PHAF1: variants seen among roughly 807,000 people sequenced by gnomAD.
The protein encoded by PHAF1 is phagophore assembly factor 1, also known as phagosome assembly factor 1.
In PHAF1, 23 loss-of-function variants were observed where a neutral mutation model predicts 63.1. The observed-to-expected ratio is 0.36, with a 90% CI of 0.26 to 0.52. PHAF1 has a LOEUF of 0.52. Among genes scored for constraint, PHAF1 ranks in the 20% least tolerant of loss-of-function variants. PHAF1 has a pLI of 0.93. For synonymous variants in PHAF1, 167 were observed against 185.0 expected (o/e 0.90, Z 0.79); for missense variants, 427 against 517.2 (o/e 0.83, Z 1.69).
chr16:67,133,453 G>A (rs1203924756), intron 6 of PHAF1, among the ~76,000 whole-genome samples: 8 of 143,558 alleles, frequency 5.6e-5, no homozygotes, highest in African/African-American at 2.1e-4. Flanking sequence ...TCAGGAGTTC[G>A]AGACCACGTT....
chr16:67,132,887 A>C lies in PHAF1; in HGVS notation c.426A>C (p.Ser142=). ...RGLSFSFQLD[S]WTEAPKYEPN... Reference sequence around the variant, plus strand: ...TGTCTTTCTCTTTTCAGTTAGACTCATGGACTGAGGCTCCAAAGTATGAGG... The same window carrying C: ...TGTCTTTCTCTTTTCAGTTAGACTCCTGGACTGAGGCTCCAAAGTATGAGG... Residue 142 remains serine (S), a synonymous_variant, in exon 6 of 16, where the codon TCA becomes TCC. Coordinates refer to ENST00000219139, the MANE Select transcript of PHAF1 (RefSeq NM_025187.5). 1.2e-6 allele frequency: 2 copies of C among 1,612,464 alleles called. No homozygotes were observed. The highest frequency in any genetic ancestry group is 1.7e-6 in the Non-Finnish European group (2 of 1,178,436).
chr16:67,126,922 T>TGTGTCACC (rs1451961493), intron 3 of PHAF1, among the ~76,000 whole-genome samples: 1 of 135,570 alleles, frequency 7.4e-6, no homozygotes, highest in Non-Finnish European at 1.5e-5. Flanking sequence ...AGAGTCTCAC[T>TGTGTCACC]GTGTCACCCA....
intron 8 of PHAF1, chr16:67,134,688 G>A: frequency 3.1e-6 from 2 of 646,324 alleles, no homozygotes; most frequent in Non-Finnish European, 2.9e-6. Flanking sequence ...GGATGCGCCT[G>A]CAGTCTAGTT....
intron 6 of PHAF1, among the ~76,000 whole-genome samples, chr16:67,133,501 T>TAAAA (rs757439473): frequency 2.0e-5 from 2 of 99,794 alleles, no homozygotes; most frequent in African/African-American, 7.2e-5. Context: ...CCAAAAATAT[T>TAAAA]AAAAAAAAAA....
At chr16:67,140,141 CCT>C in intron 9 of PHAF1, 24 bp downstream of exon 9, 1 of 1,608,286 alleles carries the variant, frequency 6.2e-7, no homozygotes, top group African/African-American at 1.3e-5. Context: ...GTTGCAGTCT[CCT>C]CCTTTTTTTT....
intron 10 of PHAF1, among the ~76,000 whole-genome samples, chr16:67,143,441 G>A (rs1963880497): frequency 6.6e-6 from 1 of 152,182 alleles, no homozygotes. Context: ...GAATCCTCCT[G>A]CCTTGGCCTC....
At chr16:67,119,686 A>ATTT (rs776583499) in intron 1 of PHAF1, among the ~76,000 whole-genome samples, 15 of 132,342 alleles carry the variant, frequency 1.1e-4, no homozygotes, top group African/African-American at 3.4e-4. Context: ...CGCCTGGCTA[A>ATTT]TTTTTTTTTT....
intron 1 of PHAF1, among the ~76,000 whole-genome samples, chr16:67,113,696 A>C (rs953925774): frequency 1.4e-5 from 2 of 146,730 alleles, no homozygotes; most frequent in Non-Finnish European, 3.0e-5. Flanking sequence ...TGATCCGCCC[A>C]CCTCGGCCTC....
chr16:67,141,990 G>A (rs1963829046), intron 10 of PHAF1, among the ~76,000 whole-genome samples: 1 of 152,204 alleles, frequency 6.6e-6, no homozygotes, highest in Non-Finnish European at 1.5e-5. Flanking sequence ...TTCTTGTCCT[G>A]CGGCCAGGAA....
intron 2 of PHAF1, among the ~76,000 whole-genome samples, chr16:67,120,478 C>T (rs755977560): frequency 1.3e-5 from 2 of 151,858 alleles, no homozygotes; most frequent in Non-Finnish European, 1.5e-5. Flanking sequence ...TGGTAGGTCG[C>T]TTCAGAGGCT....
Position 67,140,135 on chromosome 16 carries a change from C to T in PHAF1, c.795+18C>T. 2 of 1,609,842 alleles carry T rather than the reference C, an allele frequency of 1.2e-6. No homozygotes were observed. The highest frequency in any genetic ancestry group is 2.2e-5 in the South Asian group (2 of 90,214). On this transcript the variant is annotated intron_variant, in intron 9 of 15. Coordinates refer to ENST00000219139, the MANE Select transcript of PHAF1 (RefSeq NM_025187.5). ...AAGACAAGGTAGGGGAATTATGTTGCAGTCTCCTCCTTTTTTTTAATCAAC... is the reference window on the plus strand; with the variant it reads ...AAGACAAGGTAGGGGAATTATGTTGTAGTCTCCTCCTTTTTTTTAATCAAC...
At chr16:67,138,623 T>A (rs901572118) in intron 8 of PHAF1, among the ~76,000 whole-genome samples, 1 of 152,130 alleles carries the variant, frequency 6.6e-6, no homozygotes, top group Non-Finnish European at 1.5e-5. Context: ...ACTTCTACAT[T>A]TGTGTGTTTG....
intron 4 of PHAF1, 96 bp from the exon 5 acceptor site, chr16:67,132,350 C>A: frequency 9.3e-7 from 1 of 1,075,550 alleles, no homozygotes. Flanking sequence ...GACTCACCTG[C>A]CTGTGTCTTA....
chr16:67,117,258 C>A (rs1481540161), intron 1 of PHAF1, among the ~76,000 whole-genome samples: 1 of 142,310 alleles, frequency 7.0e-6, no homozygotes, highest in Non-Finnish European at 1.5e-5. Flanking sequence ...ACCAAGCCGG[C>A]CAGGCTGGTC....
chr16:67,111,407 G>A (rs914309679), intron 1 of PHAF1, among the ~76,000 whole-genome samples: 5 of 152,198 alleles, frequency 3.3e-5, no homozygotes, highest in Non-Finnish European at 7.3e-5. Context: ...AGGTGTTGGT[G>A]CTGTTTGTTT....
chr16:67,147,027 GTCC>G lies in PHAF1; in HGVS notation c.1183-15_1183-13del, dbSNP rs901411050. The G allele has an allele frequency of 4.4e-6, 7 of 1,603,620 alleles. No individual in the cohort carries two copies. The highest frequency in any genetic ancestry group is 5.1e-6 in the Non-Finnish European group (6 of 1,170,726). ...CTTTACCTCTCCCCCTTGACCCACTGTCCTCTTCTCACACCAGGTCATGCAGAA... is the reference window on the plus strand; with the variant it reads ...CTTTACCTCTCCCCCTTGACCCACTGTCTTCTCACACCAGGTCATGCAGAA... On this transcript the variant is annotated splice_polypyrimidine_tract_variant and intron_variant, in intron 15 of 15. Coordinates refer to ENST00000219139, the MANE Select transcript of PHAF1 (RefSeq NM_025187.5).
At chr16:67,127,969 A>C (rs1963253715) in intron 3 of PHAF1, among the ~76,000 whole-genome samples, 1 of 152,234 alleles carries the variant, frequency 6.6e-6, no homozygotes, top group Non-Finnish European at 1.5e-5. Context: ...AATGGGCAAC[A>C]AAAGGGATGT....
chr16:67,143,918 G>A (rs375103964), intron 10 of PHAF1, among the ~76,000 whole-genome samples: 8 of 151,756 alleles, frequency 5.3e-5, no homozygotes, highest in African/African-American at 1.2e-4. Flanking sequence ...GTGAAACCCC[G>A]TCTCTACTAA....
In PHAF1 at chr16:67,125,281, A is replaced by C. The variant is rs147549325; in HGVS notation, c.148-678A>C. 2.0e-5 allele frequency among the ~76,000 whole-genome samples: 3 copies of C among 152,338 alleles called. No individual in the cohort carries two copies. The East Asian group carries it at 5.8e-4, about 29-fold the overall frequency. ...CTGCTACTCCCCTCCCCCAGGATTC[A>C]GAAGGGGCAAATGCAGAAATATGAC... is the stretch of plus-strand genomic sequence containing the variant. On this transcript the variant is annotated intron_variant, in intron 2 of 15. Coordinates refer to ENST00000219139, the MANE Select transcript of PHAF1 (RefSeq NM_025187.5).
Sources: gnomAD v4.1 joint callset for allele counts (sites outside exome capture counted in the v4.1 genomes callset) on GRCh38, gnomAD v4.1.1 for gene constraint, MANE v1.5 for transcripts, NCBI Gene and HGNC (gene_info 2026-07-23, HGNC 2026-07-21) for gene names.